The following CYP3A43 variants were observed in gnomAD, a reference collection of about 807,000 sequenced individuals.
The protein encoded by CYP3A43 is cytochrome P450 family 3 subfamily A member 43.
A neutral mutation model predicts 58.0 loss-of-function variants in CYP3A43; 45 were observed. The observed-to-expected ratio is 0.78, with a 90% CI of 0.61 to 0.99. The LOEUF (loss-of-function observed/expected upper bound fraction) is 0.99, where lower values mean the gene tolerates loss of function less well. Among genes scored for constraint, CYP3A43 ranks in the 50% least tolerant of loss-of-function variants. The probability of loss-of-function intolerance (pLI) is 0.00; values close to 1 mark genes in which losing one functional copy is unlikely to be tolerated. For missense variants in CYP3A43, 593 were observed against 591.9 expected (o/e 1.00, Z -0.02); for synonymous variants, 191 against 201.4 (o/e 0.95, Z 0.44).
chr7:99,859,454 G>A (rs566083677), intron 9 of CYP3A43, among the ~76,000 whole-genome samples: 1 of 152,310 alleles, frequency 6.6e-6, no homozygotes, highest in East Asian at 1.9e-4. Context: ...TCCCTGGGGA[G>A]AATGTTACTC....
intron 10 of CYP3A43, 133 bp from the exon 11 acceptor site, chr7:99,861,480 T>A (rs1168854640): frequency 5.1e-6 from 4 of 791,806 alleles, no homozygotes; most frequent in Non-Finnish European, 7.9e-6. Context: ...ATTAAAATAA[T>A]TTATAAATGC....
Position 99,828,660 on chromosome 7 carries a change from CA to C in CYP3A43, c.71+485del, listed in dbSNP as rs952382649. 4.2e-4 allele frequency among the ~76,000 whole-genome samples: 60 copies of C among 143,602 alleles called. 1 individual carries two copies. Among genetic ancestry groups the C allele is most frequent in the Admixed American group, 2.7e-3 (39 of 14,442 alleles). The allele number at this position is 143,602 out of a possible 152,430, so 94.2% of individuals were successfully genotyped here. On this transcript the variant is annotated intron_variant, in intron 1 of 12. Transcript: ENST00000354829. ...TGGGTGACAGAGCAAGACTCCGTCT[CA>C]AAAAAAAAAATAAAACTTTGTCATA...
In CYP3A43 at chr7:99,842,282, T is replaced by C. The variant is rs73393676; in HGVS notation, c.219-1861T>C. ...ATGCTTTTAAATGTAATTTTTGCCATTTTAATAAAAATGGCATCTTTTTAG... is the reference window on the plus strand; with the variant it reads ...ATGCTTTTAAATGTAATTTTTGCCACTTTAATAAAAATGGCATCTTTTTAG... On this transcript the variant is annotated intron_variant, in intron 3 of 12. Transcript: ENST00000354829. Among the ~76,000 whole-genome samples, 855 of 152,336 alleles carry C rather than the reference T, an allele frequency of 5.6e-3. 9 individuals carry two copies. The highest frequency in any genetic ancestry group is 0.02 in the African/African-American group (823 of 41,592).
At chr7:99,840,239 T>C (rs1817278269) in intron 3 of CYP3A43, among the ~76,000 whole-genome samples, 1 of 152,168 alleles carries the variant, frequency 6.6e-6, no homozygotes. Flanking sequence ...GGCTCCTATA[T>C]CAATAGAAGG....
chr7:99,865,891 G>T lies in CYP3A43; in HGVS notation c.1417-15G>T. The T allele has an allele frequency of 2.6e-6, 4 of 1,518,728 alleles. No homozygotes were observed. Among genetic ancestry groups the T allele is most frequent in the Non-Finnish European group, 3.5e-6 (4 of 1,136,634 alleles). The allele number at this position is 1,518,728 out of a possible 1,614,324, so 94.1% of individuals were successfully genotyped here. On this transcript the variant is annotated splice_polypyrimidine_tract_variant and intron_variant, in intron 12 of 12. Coordinates refer to ENST00000354829, the MANE Select transcript of CYP3A43 (RefSeq NM_057095.3). ...TGCTTCATTGTTTCTGAATATTCTT[G>T]TTTAACTTTTGCAGATCCCACTGAA...
In CYP3A43 at chr7:99,836,433, C is replaced by G. The variant is rs1281181292; in HGVS notation, c.72-20C>G. 6.3e-7 allele frequency: 1 copy of G among 1,599,768 alleles called. No individual in the cohort carries two copies. Among genetic ancestry groups the G allele is most frequent in the Admixed American group, 1.7e-5 (1 of 59,898 alleles). On this transcript the variant is annotated intron_variant, in intron 1 of 12. Transcript: ENST00000354829. ...TAAAGTTACAATTTCTGTAACCTGG[C>G]TTTCTCTTTTATTTTATAGTTATGG...
At chr7:99,849,415 T>C in intron 6 of CYP3A43, 131 bp from the exon 7 acceptor site, 1 of 1,060,524 alleles carries the variant, frequency 9.4e-7, no homozygotes, top group Non-Finnish European at 1.3e-6. Flanking sequence ...TGGGAGATGA[T>C]GCAGCAGATT....
At chr7:99,849,440 T>G in intron 6 of CYP3A43, 106 bp from the exon 7 acceptor site, 1 of 1,316,804 alleles carries the variant, frequency 7.6e-7, no homozygotes, top group Non-Finnish European at 1.0e-6. Context: ...TGATTGTGTG[T>G]GGGTTTTCAC....
chr7:99,829,184 C>T (rs771648143), intron 1 of CYP3A43, among the ~76,000 whole-genome samples: 3 of 152,198 alleles, frequency 2.0e-5, no homozygotes, highest in Non-Finnish European at 4.4e-5. Context: ...CCAAGAGATT[C>T]ACCTTGCCCC....
In CYP3A43 at chr7:99,847,562, A is replaced by C; in HGVS notation, c.393A>C (p.Thr131=). 1 of 1,614,022 alleles carries C rather than the reference A, an allele frequency of 6.2e-7. No homozygotes were observed. The highest frequency in any genetic ancestry group is 8.5e-7 in the Non-Finnish European group (1 of 1,179,944). Reference sequence around the variant, plus strand: ...ATGAAGAATGGAAGAGAATACGAACATTGCTATCTCCAGCTTTCACCAGTG... The same window carrying C: ...ATGAAGAATGGAAGAGAATACGAACCTTGCTATCTCCAGCTTTCACCAGTG... The part of the protein sequence containing the change: ...AEDEEWKRIR[T]LLSPAFTSVK... The change falls in exon 5 of 13, where the codon ACA becomes ACC. Residue 131 remains threonine, a synonymous_variant. Transcript: ENST00000354829.
At position 99,865,988 on chromosome 7, in the gene CYP3A43, C is replaced by A. The variant is rs1280770926; in HGVS notation, c.1499C>A (p.Thr500Lys). Residue 500 changes from threonine to lysine, a missense_variant, in exon 13 of 13, where the codon ACA (threonine) becomes AAA (lysine). Coordinates refer to ENST00000354829, the MANE Select transcript of CYP3A43 (RefSeq NM_057095.3). ...AAAGTGCACTTAAGAGATGGGATTA[C>A]AAGTGGACCCTGACTTTCCCTAAGG... ...VLKVHLRDGITSGP is the reference protein window; with the variant it reads ...VLKVHLRDGIKSGP 6.2e-7 allele frequency: 1 copy of A among 1,600,344 alleles called. No homozygotes were observed. Among genetic ancestry groups the A allele is most frequent in the Non-Finnish European group, 8.5e-7 (1 of 1,172,952 alleles).
intron 3 of CYP3A43, among the ~76,000 whole-genome samples, chr7:99,843,057 T>A (rs660629): frequency 6.6e-6 from 1 of 152,124 alleles, no homozygotes; most frequent in East Asian, 1.9e-4. Context: ...TCTCTTTTCA[T>A]ATGTTTGCAT....
Position 99,828,014 on chromosome 7 carries a change from C to A in CYP3A43, c.-102C>A. On this transcript the variant is annotated 5_prime_UTR_variant, in exon 1 of 13. Transcript: ENST00000354829. Reference sequence around the variant, plus strand: ...ATCGCTGTTAACATTAACTAAATCACCTCTGGGCAGAGAAACAAAGCTCTA... The same window carrying A: ...ATCGCTGTTAACATTAACTAAATCAACTCTGGGCAGAGAAACAAAGCTCTA... The A allele has an allele frequency of 1.1e-6, 1 of 896,680 alleles. No homozygotes were observed. The highest frequency in any genetic ancestry group is 1.7e-6 in the Non-Finnish European group (1 of 591,262). 55.5% of individuals were successfully genotyped at this position (896,680 alleles called of 1,614,324 possible).
chr7:99,851,819 T>A (rs1228506895), intron 7 of CYP3A43, among the ~76,000 whole-genome samples: 2 of 152,242 alleles, frequency 1.3e-5, no homozygotes, highest in Non-Finnish European at 2.9e-5. Context: ...GATGCACGAT[T>A]TGCGTATTTT....
At chr7:99,831,551 C>G (rs1370417539) in intron 1 of CYP3A43, among the ~76,000 whole-genome samples, 1 of 152,246 alleles carries the variant, frequency 6.6e-6, no homozygotes. Context: ...GATGCAGCCT[C>G]TCTTTTTCCT....
intron 3 of CYP3A43, among the ~76,000 whole-genome samples, chr7:99,842,960 C>A (rs1023397060): frequency 6.6e-6 from 1 of 152,196 alleles, no homozygotes; most frequent in Non-Finnish European, 1.5e-5. Context: ...TCCAGTTTAC[C>A]TTGGCAGGCA....
At chr7:99,829,223 CAG>C (rs1395455209) in intron 1 of CYP3A43, among the ~76,000 whole-genome samples, 1 of 152,146 alleles carries the variant, frequency 6.6e-6, no homozygotes, top group Non-Finnish European at 1.5e-5. Flanking sequence ...TTCATCAAGA[CAG>C]GGGAATTGTA....
chr7:99,834,849 A>C (rs117694807), intron 1 of CYP3A43, among the ~76,000 whole-genome samples: 3,517 of 152,302 alleles, frequency 0.023, 56 homozygotes, highest in Non-Finnish European at 0.031. Flanking sequence ...TGGTAGGGTT[A>C]AGCGAAGTGA....
intron 12 of CYP3A43, among the ~76,000 whole-genome samples, chr7:99,865,560 A>C (rs1358664542): frequency 6.7e-6 from 1 of 148,760 alleles, no homozygotes; most frequent in African/African-American, 2.6e-5. Flanking sequence ...GGCTTTTCCA[A>C]AATAGTTTAA....
Sources: allele counts gnomAD v4.1 joint callset (sites outside exome capture counted in the v4.1 genomes callset), GRCh38; gene constraint gnomAD v4.1.1; transcripts MANE v1.5; gene names NCBI Gene and HGNC (gene_info 2026-07-23, HGNC 2026-07-21).